POLR3B: variants seen among roughly 807,000 people sequenced by gnomAD.
POLR3B encodes RNA polymerase III subunit B, also known as DNA-directed RNA polymerase III subunit RPC2.
In POLR3B, 96 loss-of-function variants were observed where a neutral mutation model predicts 147.4. That is an observed-to-expected ratio of 0.65 (90% CI 0.55 to 0.77). POLR3B has a LOEUF of 0.77. POLR3B is among the 30% of genes least tolerant of loss of function. POLR3B has a pLI of 0.00. For synonymous variants in POLR3B, 461 were observed against 485.9 expected (o/e 0.95, Z 0.67); for missense variants, 1,036 against 1,413.5 (o/e 0.73, Z 4.28).
At position 106,427,335 on chromosome 12, in the gene POLR3B, G is replaced by A; in HGVS notation, c.1240G>A (p.Gly414Ser). ...KHMRQDQITN[G>S]MVNAISTGNW... is the part of the protein sequence containing the mutation. ...CATGCGCCAAGACCAGATCACCAAT[G>A]GCATGGTGAATGCTATTTCTACCGT... The change falls in exon 13 of 28, where the codon GGC becomes AGC. Residue 414 changes from glycine to serine, a missense_variant. Coordinates refer to ENST00000228347, the MANE Select transcript of POLR3B (RefSeq NM_018082.6). 3 of 1,612,870 alleles carry A rather than the reference G, an allele frequency of 1.9e-6. No homozygotes were observed. Among genetic ancestry groups the A allele is most frequent in the Non-Finnish European group, 2.5e-6 (3 of 1,179,084 alleles).
At chr12:106,456,479 C>A (rs2037864105) in intron 20 of POLR3B, among the ~76,000 whole-genome samples, 1 of 152,186 alleles carries the variant, frequency 6.6e-6, no homozygotes, top group Admixed American at 6.5e-5. Context: ...CTATTTTTCC[C>A]ATTGAAATAA....
chr12:106,475,964 A>G (rs2038163335), intron 23 of POLR3B, among the ~76,000 whole-genome samples: 1 of 150,142 alleles, frequency 6.7e-6, no homozygotes, highest in South Asian at 2.1e-4. Flanking sequence ...CCTAGTCTCG[A>G]TGGTCTTTAC....
At position 106,433,805 on chromosome 12, in the gene POLR3B, G is replaced by A. The variant is rs2037540679; in HGVS notation, c.1714G>A (p.Val572Ile). The A allele has an allele frequency of 1.2e-6, 2 of 1,613,318 alleles. No individual in the cohort carries two copies. Among genetic ancestry groups the A allele is most frequent in the South Asian group, 1.1e-5 (1 of 91,038 alleles). Residue 572 changes from valine to isoleucine, a missense_variant, in exon 16 of 28, where the codon GTT (valine) becomes ATT (isoleucine). By Grantham distance (29) the Val-to-Ile change is conservative (BLOSUM62 3). Coordinates refer to ENST00000228347, the MANE Select transcript of POLR3B (RefSeq NM_018082.6). ...MRRAGYINEF[V>I]SISTNLTDRC... ...AAGAGCAGGATATATCAATGAATTTGTTTCCATCTCAACAAATCTTACAGA... is the reference window on the plus strand; with the variant it reads ...AAGAGCAGGATATATCAATGAATTTATTTCCATCTCAACAAATCTTACAGA...
intron 16 of POLR3B, among the ~76,000 whole-genome samples, chr12:106,435,434 C>T (rs1288444173): frequency 3.3e-5 from 5 of 152,128 alleles, no homozygotes; most frequent in Admixed American, 6.5e-5. Flanking sequence ...TGTGAGCCAT[C>T]GCACCCAGCA....
chr12:106,403,455 A>G (rs1246322263), intron 10 of POLR3B, among the ~76,000 whole-genome samples: 1 of 151,676 alleles, frequency 6.6e-6, no homozygotes, highest in Non-Finnish European at 1.5e-5. Flanking sequence ...CCATCCCATT[A>G]CTGGGTATAT....
intron 10 of POLR3B, 71 bp from the exon 11 acceptor site, chr12:106,405,786 A>T (rs1213204575): frequency 2.7e-6 from 4 of 1,457,670 alleles, no homozygotes; most frequent in South Asian, 2.3e-5. Flanking sequence ...CATACTGTAC[A>T]TGTGGTTAGG....
At chr12:106,465,083 T>C (rs146709789) in intron 23 of POLR3B, among the ~76,000 whole-genome samples, 2 of 152,330 alleles carry the variant, frequency 1.3e-5, no homozygotes, top group African/African-American at 2.4e-5. Context: ...TCTAATGTTT[T>C]ATATGGCTTG....
At chr12:106,425,039 A>G (rs1216364237) in intron 12 of POLR3B, among the ~76,000 whole-genome samples, 2 of 152,190 alleles carry the variant, frequency 1.3e-5, no homozygotes, top group Non-Finnish European at 2.9e-5. Flanking sequence ...TATGTGGATG[A>G]ACATATTATC....
chr12:106,394,773 A>G (rs1260440771), intron 10 of POLR3B, among the ~76,000 whole-genome samples: 10 of 152,214 alleles, frequency 6.6e-5, no homozygotes. Context: ...AAGTTAACAT[A>G]AGAAAGACAA....
intron 23 of POLR3B, among the ~76,000 whole-genome samples, chr12:106,482,771 A>G (rs1235986527): frequency 6.6e-6 from 1 of 152,188 alleles, no homozygotes; most frequent in Non-Finnish European, 1.5e-5. Flanking sequence ...CCAGCATAGC[A>G]CTTTGCATAT....
intron 23 of POLR3B, among the ~76,000 whole-genome samples, chr12:106,482,318 AT>A (rs1192947539): frequency 1.3e-5 from 2 of 152,226 alleles, no homozygotes; most frequent in African/African-American, 4.8e-5. Flanking sequence ...TTAGTGTGTT[AT>A]TCCATTCTCA....
chr12:106,419,447 C>A (rs917676507), intron 12 of POLR3B, among the ~76,000 whole-genome samples: 1 of 152,160 alleles, frequency 6.6e-6, no homozygotes, highest in Admixed American at 6.6e-5. Context: ...GCTTTGAATA[C>A]CTTCTTCATT....
chr12:106,504,268 A>G lies in POLR3B; in HGVS notation c.3272+14A>G. 3 of 1,604,502 alleles carry G rather than the reference A, an allele frequency of 1.9e-6. No homozygotes were observed. Among genetic ancestry groups the G allele is most frequent in the Non-Finnish European group, 8.5e-7 (1 of 1,171,192 alleles). On this transcript the variant is annotated intron_variant, in intron 27 of 27. Coordinates refer to ENST00000228347, the MANE Select transcript of POLR3B (RefSeq NM_018082.6). The surrounding 1 kb of genome is among the most constrained non-coding windows in gnomAD (Gnocchi z 4.6). ...GTATTCTGGCTGGTAAGTGGATACCATATGTCTCCCATACCACACCCCTTG... is the reference window on the plus strand; with the variant it reads ...GTATTCTGGCTGGTAAGTGGATACCGTATGTCTCCCATACCACACCCCTTG...
intron 24 of POLR3B, chr12:106,496,513 G>C (rs767989233): frequency 8.3e-6 from 5 of 602,184 alleles, no homozygotes; most frequent in African/African-American, 1.9e-5. Context: ...CCTTGGACAA[G>C]TTGCTTATCC....
chr12:106,398,842 T>C (rs1190455402), intron 10 of POLR3B, among the ~76,000 whole-genome samples: 2 of 152,034 alleles, frequency 1.3e-5, no homozygotes, highest in African/African-American at 2.4e-5. Flanking sequence ...TACGTCACCA[T>C]CATCAAAGAC....
intron 23 of POLR3B, among the ~76,000 whole-genome samples, chr12:106,472,873 T>TCCC (rs902633383): frequency 2.4e-4 from 33 of 135,918 alleles, no homozygotes; most frequent in African/African-American, 1.1e-3. Flanking sequence ...TTTAATGAGA[T>TCCC]CCCATTTGTC....
chr12:106,488,349 T>C (rs1017634555), intron 23 of POLR3B, among the ~76,000 whole-genome samples: 1 of 152,226 alleles, frequency 6.6e-6, no homozygotes, highest in African/African-American at 2.4e-5. Context: ...GTATGCAAAA[T>C]GCTGGCCAAG....
intron 22 of POLR3B, among the ~76,000 whole-genome samples, chr12:106,460,513 AGCATTGTG>A (rs1219108501): frequency 1.3e-5 from 2 of 152,160 alleles, no homozygotes; most frequent in Non-Finnish European, 2.9e-5. Flanking sequence ...AACCCAGCAA[AGCATTGTG>A]GGTGCCACGG....
chr12:106,438,510 T>G (rs2037608789), intron 18 of POLR3B, among the ~76,000 whole-genome samples: 1 of 151,830 alleles, frequency 6.6e-6, no homozygotes. Context: ...TGTTTTTTTT[T>G]TTTTGAGACA....
Sources: allele counts gnomAD v4.1 joint callset (sites outside exome capture counted in the v4.1 genomes callset), GRCh38; gene constraint gnomAD v4.1.1; non-coding constraint Gnocchi (gnomAD v3.1); transcripts MANE v1.5; gene names NCBI Gene and HGNC (gene_info 2026-07-23, HGNC 2026-07-21).